PCGF2: variants seen among roughly 807,000 people sequenced by gnomAD.
PCGF2 encodes polycomb group RING finger protein 2.
Under a neutral mutation model 36.1 loss-of-function variants are expected in PCGF2, and 8 were observed. The observed-to-expected ratio is 0.22, with a 90% CI of 0.13 to 0.40. PCGF2 has a LOEUF of 0.40. Among genes scored for constraint, PCGF2 ranks in the 10% least tolerant of loss-of-function variants. The probability of loss-of-function intolerance (pLI) is 1.00; values close to 1 mark genes in which losing one functional copy is unlikely to be tolerated. For synonymous variants in PCGF2, 198 were observed against 191.2 expected (o/e 1.04, Z -0.29); for missense variants, 436 against 475.9 (o/e 0.92, Z 0.78).
rs575064529 is a variant in PCGF2 at position 38,739,898 on chromosome 17, C to T, written c.113-216G>A. ...GTGTGAGACAGGCCAGTGTCATGTA[C>T]AATGCAGAAGGTCAGCCCTGAGTCC... On this transcript the variant is annotated intron_variant, in intron 3 of 10. Coordinates refer to ENST00000620225, the MANE Select transcript of PCGF2 (RefSeq NM_007144.3). This position sits in a 1 kb window ranked among gnomAD's most constrained non-coding sequence, Gnocchi z 4.0. 6.6e-6 allele frequency among the ~76,000 whole-genome samples: 1 copy of T among 152,276 alleles called. No homozygotes were observed. Among genetic ancestry groups the T allele is most frequent in the Non-Finnish European group, 1.5e-5 (1 of 68,020 alleles).
chr17:38,740,611 C>T (rs901950707), intron 2 of PCGF2, among the ~76,000 whole-genome samples, 169 bp from the exon 3 acceptor site: 2 of 152,082 alleles, frequency 1.3e-5, no homozygotes, highest in Admixed American at 6.6e-5. Flanking sequence ...TACGGAAAAT[C>T]AGCCAGGCAT....
Position 38,745,289 on chromosome 17 carries a change from G to A in PCGF2, c.-41+2590C>T, listed in dbSNP as rs1040694654. ...AGAGGTTGCAGTGAGCCGAGATTGC[G>A]CCACTGCACTCCAGCCTGGGCAACA... On this transcript the variant is annotated intron_variant, in intron 2 of 10. Coordinates refer to ENST00000620225, the MANE Select transcript of PCGF2 (RefSeq NM_007144.3). Among the ~76,000 whole-genome samples, 12 of 152,280 alleles carry A rather than the reference G, an allele frequency of 7.9e-5. 1 individual carries two copies. Among genetic ancestry groups the A allele is most frequent in the Admixed American group, 7.2e-4 (11 of 15,302 alleles).
At chr17:38,741,449 G>A (rs919267792) in intron 2 of PCGF2, among the ~76,000 whole-genome samples, 2 of 152,016 alleles carry the variant, frequency 1.3e-5, no homozygotes, top group South Asian at 4.1e-4. Context: ...CCTCCACCCA[G>A]GTGCAGGGCC....
intron 2 of PCGF2, among the ~76,000 whole-genome samples, chr17:38,743,821 G>C (rs1445701189): frequency 6.6e-6 from 1 of 152,122 alleles, no homozygotes; most frequent in African/African-American, 2.4e-5. Context: ...CTGATACCCA[G>C]TTCCTCCCCC....
In PCGF2 at chr17:38,738,582, T is replaced by G. The variant is rs1237441991; in HGVS notation, c.439A>C (p.Lys147Gln). 2 of 1,581,396 alleles carry G rather than the reference T, an allele frequency of 1.3e-6. No individual in the cohort carries two copies. Among genetic ancestry groups the G allele is most frequent in the Non-Finnish European group, 1.7e-6 (2 of 1,163,814 alleles). ...FYEGARDRDE[K>Q]KGPLENGDGD... ...TCCCCATTCTCCAGGGGGCCCTTCT[T>G]CTCGTCCCGGTCCCTGGGGACGGAG... Residue 147 changes from lysine (K) to glutamine (Q), a missense_variant, in exon 8 of 11, where the codon AAG (lysine) becomes CAG (glutamine). Lys to Gln is a moderately conservative substitution (Grantham distance 53). This residue lies in a region of PCGF2 where 189 missense variants were observed against 219.3 expected (regional missense o/e 0.86). Coordinates refer to ENST00000620225, the MANE Select transcript of PCGF2 (RefSeq NM_007144.3).
chr17:38,736,391 TAGC>T (rs1906724960), intron 9 of PCGF2, among the ~76,000 whole-genome samples: 1 of 152,196 alleles, frequency 6.6e-6, no homozygotes, highest in African/African-American at 2.4e-5. Context: ...CCCCTATTGT[TAGC>T]AGCCTCTGGT....
At chr17:38,742,877 T>C (rs1252975088) in intron 2 of PCGF2, among the ~76,000 whole-genome samples, 2 of 152,218 alleles carry the variant, frequency 1.3e-5, no homozygotes, top group Non-Finnish European at 2.9e-5. Flanking sequence ...TCTATGTGTG[T>C]GTGCAGAGCC....
intron 3 of PCGF2, 109 bp downstream of exon 3, chr17:38,740,182 G>T (rs909379219): frequency 1.0e-6 from 1 of 960,030 alleles, no homozygotes; most frequent in Non-Finnish European, 1.6e-6. Flanking sequence ...ACGTGGGCGC[G>T]TTGGCTCTTT....
rs1242535395 is a variant in PCGF2, at chr17:38,735,587, G to A, written c.671C>T (p.Pro224Leu). The part of the protein sequence containing the change: ...IYPWRRNGPL[P>L]LKYRVQPACK... ...GGCTGGCTGGACACGGTACTTGAGG[G>A]GGAGAGGCCCGTTCTGCGGGGAGAG... The change falls in exon 11 of 11, where the codon CCC becomes CTC. Residue 224 changes from proline (P) to leucine (L), a missense_variant. Coordinates refer to ENST00000620225, the MANE Select transcript of PCGF2 (RefSeq NM_007144.3). The A allele has an allele frequency of 6.4e-7, 1 of 1,572,866 alleles. No homozygotes were observed. The highest frequency in any genetic ancestry group is 2.3e-5 in the East Asian group (1 of 43,460).
At chr17:38,748,037 TGGGCTA>T (rs1907660681) in intron 1 of PCGF2, 66 bp from the exon 2 acceptor site, 1 of 152,286 alleles carries the variant, frequency 6.6e-6, no homozygotes, top group African/African-American at 2.4e-5. Flanking sequence ...CGGGGCAAGC[TGGGCTA>T]GGGACTGACG....
At position 38,734,952 on chromosome 17, in the gene PCGF2, C is replaced by CG; in HGVS notation, c.*270_*271insC. 3.4e-6 allele frequency: 1 copy of CG among 298,402 alleles called. No individual in the cohort carries two copies. The allele number at this position is 298,402 out of a possible 1,614,324, so 18.5% of individuals were successfully genotyped here. A position where few individuals can be genotyped will look rare whatever the true frequency, so the allele number is the denominator to read the frequency against. On this transcript the variant is annotated 3_prime_UTR_variant, in exon 11 of 11. Coordinates refer to ENST00000620225, the MANE Select transcript of PCGF2 (RefSeq NM_007144.3). ...AAACAGCAAATTACACAAGACCCCC[C>CG]CCAAAAAAAATGAACACCATTTTCC...
chr17:38,738,917 A>G lies in PCGF2; in HGVS notation c.317-56T>C, dbSNP rs1906977506. The G allele has an allele frequency of 3.2e-6, 5 of 1,553,482 alleles. No homozygotes were observed. The South Asian group carries it at 5.6e-5, about 17-fold the overall frequency. On this transcript the variant is annotated intron_variant, in intron 6 of 10. Coordinates refer to ENST00000620225, the MANE Select transcript of PCGF2 (RefSeq NM_007144.3). ...GAGGATGTAGGAAGGGAGCCCGCCA[A>G]GGACCCAGAGATCATGAACTCAGCC...
chr17:38,749,745 C>T (rs1306483527), upstream of PCGF2: 1 of 454,272 alleles, frequency 2.2e-6, no homozygotes, highest in Non-Finnish European at 4.4e-6. This position sits in a 1 kb window ranked among gnomAD's most constrained non-coding sequence, Gnocchi z 6.5. Context: ...TGAATGCTTT[C>T]GCCCTCTGGC....
rs114574378 is a variant in PCGF2 at position 38,735,504 on chromosome 17, C to A, written c.754G>T (p.Gly252Trp). The stretch of plus-strand genomic sequence containing the variant: ...CTGACTGACTCACACTCGGACGCCC[C>A]GCTGGTGTTGGTGCCCTCGGAGGGG... Reference protein sequence around the residue: ...PTPSEGTNTSGASECESVSDK... With the variant: ...PTPSEGTNTSWASECESVSDK... The change falls in exon 11 of 11, where the codon GGG (glycine) becomes TGG (tryptophan). Residue 252 changes from glycine (G) to tryptophan (W), a missense_variant. Gly to Trp is a radical substitution (Grantham distance 184). Transcript: ENST00000620225. 6.3e-7 allele frequency: 1 copy of A among 1,592,594 alleles called. No individual in the cohort carries two copies. The highest frequency in any genetic ancestry group is 1.8e-5 in the Admixed American group (1 of 57,068).
In PCGF2 at chr17:38,740,450, A is replaced by G; in HGVS notation, c.-40-8T>C. 1 of 1,530,160 alleles carries G rather than the reference A, an allele frequency of 6.5e-7. No individual in the cohort carries two copies. The highest frequency in any genetic ancestry group is 1.2e-5 in the South Asian group (1 of 86,438). 94.8% of individuals were successfully genotyped at this position (1,530,160 alleles called of 1,614,324 possible). A position where few individuals can be genotyped will look rare whatever the true frequency, so the allele number is the denominator to read the frequency against. ...GGACTGGGGAGCGTTGCCCTGGGAAACGGAAGTGGAATCAGAAACCCAGAG... is the reference window on the plus strand; with the variant it reads ...GGACTGGGGAGCGTTGCCCTGGGAAGCGGAAGTGGAATCAGAAACCCAGAG... On this transcript the variant is annotated splice_region_variant and splice_polypyrimidine_tract_variant and intron_variant, in intron 2 of 10. Transcript: ENST00000620225.
At position 38,739,478 on chromosome 17, in the gene PCGF2, G is replaced by A; in HGVS notation, c.209+108C>T. The A allele has an allele frequency of 1.0e-6, 1 of 995,078 alleles. No homozygotes were observed. Among genetic ancestry groups the A allele is most frequent in the Non-Finnish European group, 1.6e-6 (1 of 622,390 alleles). 61.6% of individuals were successfully genotyped at this position (995,078 alleles called of 1,614,324 possible). A position where few individuals can be genotyped will look rare whatever the true frequency, so the allele number is the denominator to read the frequency against. ...GGAGTAGCCCAGGTCCACACCCCAT[G>A]CTTCTCCTACACCTGCCGCCTTGGC... On this transcript the variant is annotated intron_variant, in intron 4 of 10. Transcript: ENST00000620225. The surrounding 1 kb of genome is among the most constrained non-coding windows in gnomAD (Gnocchi z 4.0).
intron 2 of PCGF2, among the ~76,000 whole-genome samples, chr17:38,740,744 G>A (rs947934085): frequency 6.6e-6 from 1 of 152,068 alleles, no homozygotes; most frequent in East Asian, 1.9e-4. Flanking sequence ...GGGCGACAGA[G>A]TGAGAGTCTG....
At chr17:38,736,010 G>A (rs1199285069) in intron 10 of PCGF2, 80 bp downstream of exon 10, 1 of 935,706 alleles carries the variant, frequency 1.1e-6, no homozygotes, top group East Asian at 2.6e-5. Context: ...TCTGATTACA[G>A]AAGGGTGGCC....
In PCGF2 at chr17:38,739,763, C is replaced by G; in HGVS notation, c.113-81G>C. 1 of 999,062 alleles carries G rather than the reference C, an allele frequency of 1.0e-6. No homozygotes were observed. The highest frequency in any genetic ancestry group is 1.3e-5 in the South Asian group (1 of 78,506). The allele number at this position is 999,062 out of a possible 1,614,324, so 61.9% of individuals were successfully genotyped here. ...AGCCTCCCCGCCCTCTGCTCAGACT[C>G]AGATATCCCTCCTCCTCCACCCTGT... On this transcript the variant is annotated intron_variant, in intron 3 of 10. Coordinates refer to ENST00000620225, the MANE Select transcript of PCGF2 (RefSeq NM_007144.3). The surrounding 1 kb of genome is among the most constrained non-coding windows in gnomAD (Gnocchi z 4.0).
Sources: allele counts gnomAD v4.1 joint callset (sites outside exome capture counted in the v4.1 genomes callset), GRCh38; gene constraint gnomAD v4.1.1; regional missense constraint gnomAD v4.1.1; non-coding constraint Gnocchi (gnomAD v3.1); transcripts MANE v1.5; gene names NCBI Gene and HGNC (gene_info 2026-07-23, HGNC 2026-07-21).